MMP26: variants seen among roughly 807,000 people sequenced by gnomAD.
The protein encoded by MMP26 is matrix metallopeptidase 26.
In MMP26, 33 loss-of-function variants were observed where a neutral mutation model predicts 31.0. That is an observed-to-expected ratio of 1.06 (90% CI 0.81 to 1.42). MMP26 has a LOEUF of 1.42. Ranked by LOEUF, MMP26 falls within the 40% of genes most tolerant of loss-of-function variation. The pLI, the probability that MMP26 is intolerant of heterozygous loss-of-function variation, is 0.00. For missense variants in MMP26, 347 were observed against 316.1 expected (o/e 1.10, Z -0.74); for synonymous variants, 122 against 114.9 (o/e 1.06, Z -0.40).
At chr11:4,915,664 T>G (rs749832072) in intron 2 of MMP26, 7 of 1,606,866 alleles carry the variant, frequency 4.4e-6, no homozygotes, top group Non-Finnish European at 6.0e-6. Flanking sequence ...CCAGGGTCAT[T>G]GTGTGAGGAG....
chr11:4,732,927 T>G (rs1848193854), intron 1 of MMP26, among the ~76,000 whole-genome samples: 1 of 152,250 alleles, frequency 6.6e-6, no homozygotes, highest in Non-Finnish European at 1.5e-5. Flanking sequence ...TTCATTGAGC[T>G]GTCTTGACAC....
chr11:4,917,037 T>C (rs1851104567), intron 2 of MMP26, among the ~76,000 whole-genome samples: 1 of 152,186 alleles, frequency 6.6e-6, no homozygotes, highest in African/African-American at 2.4e-5. Flanking sequence ...TGATCTTCCA[T>C]TCTCAATTAA....
At chr11:4,904,581 T>C (rs10836932) in intron 2 of MMP26, among the ~76,000 whole-genome samples, 32,643 of 152,092 alleles carry the variant, frequency 0.21, 3,842 homozygotes, top group East Asian at 0.56. Flanking sequence ...TGATTTCATT[T>C]ACTCTTTGGT....
chr11:4,856,204 C>G (rs541682522), intron 2 of MMP26, among the ~76,000 whole-genome samples: 1 of 152,304 alleles, frequency 6.6e-6, no homozygotes, highest in Non-Finnish European at 1.5e-5. Flanking sequence ...ATGACAGGAT[C>G]AAATTCACAC....
At chr11:4,730,404 AAGAGAGAGAG>A (rs59289871) in intron 1 of MMP26, among the ~76,000 whole-genome samples, 1 of 144,952 alleles carries the variant, frequency 6.9e-6, no homozygotes, top group Non-Finnish European at 1.5e-5. Flanking sequence ...GTTTCTGGGA[AAGAGAGAGAG>A]AGAGAGAGAG....
Position 4,947,343 on chromosome 11 carries a change from A to G in MMP26, c.-144-40725A>G, listed in dbSNP as rs1320232340. 2.4e-5 allele frequency among the ~76,000 whole-genome samples: 3 copies of G among 125,202 alleles called. 1 individual carries two copies. Among genetic ancestry groups the G allele is most frequent in the Admixed American group, 1.8e-4 (2 of 11,252 alleles). 82.1% of individuals were successfully genotyped at this position (125,202 alleles called of 152,430 possible). A position where few individuals can be genotyped will look rare whatever the true frequency, so the allele number is the denominator to read the frequency against. On this transcript the variant is annotated intron_variant, in intron 2 of 7. Transcript: ENST00000380390. ...ATTTCTGGACATGTTATTTCTATAG[A>G]GAATCCAGATTTAAATTTTGTATTT...
chr11:4,935,070 G>C (rs796182682), intron 2 of MMP26, among the ~76,000 whole-genome samples: 2 of 151,660 alleles, frequency 1.3e-5, no homozygotes, highest in African/African-American at 4.8e-5. Flanking sequence ...CTCTTTTTTG[G>C]TTCCATATGA....
intron 1 of MMP26, among the ~76,000 whole-genome samples, chr11:4,729,854 A>G (rs1848149859): frequency 6.6e-6 from 1 of 151,978 alleles, no homozygotes; most frequent in Non-Finnish European, 1.5e-5. Flanking sequence ...CTGATCAGGC[A>G]TGGATTTTTG....
At chr11:4,714,899 A>ATCTCTCTC (rs71466199) in intron 1 of MMP26, among the ~76,000 whole-genome samples, 9 of 132,588 alleles carry the variant, frequency 6.8e-5, no homozygotes, top group Middle Eastern at 8.4e-3. Flanking sequence ...AAAACCCCAA[A>ATCTCTCTC]TCTCTCTCTC....
intron 1 of MMP26, among the ~76,000 whole-genome samples, chr11:4,727,561 G>T (rs905650450): frequency 2.0e-5 from 3 of 152,196 alleles, no homozygotes; most frequent in African/African-American, 4.8e-5. Flanking sequence ...TGTTATCCCA[G>T]CAGTTTGGAA....
chr11:4,766,685 A>C (rs1564904209), intron 1 of MMP26, among the ~76,000 whole-genome samples: 1 of 82,186 alleles, frequency 1.2e-5, no homozygotes. Flanking sequence ...TTTCTCTCCC[A>C]CTTTCCTTTC....
rs144793416 is a variant in MMP26, at chr11:4,881,876, A to G, written c.-144-106192A>G. ...GAATCTTAATTATTTTTCTTTCCTC[A>G]TAGTTCAGTGTCTTCAACCAACCAT... On this transcript the variant is annotated intron_variant, in intron 2 of 7. Transcript: ENST00000380390. 2.2e-5 allele frequency: 35 copies of G among 1,593,750 alleles called. 1 individual carries two copies. In the Middle Eastern group the frequency reaches 2.0e-3, roughly 91 times the overall value.
At chr11:4,781,184 AT>A (rs2133431903) in intron 2 of MMP26, among the ~76,000 whole-genome samples, 1 of 152,270 alleles carries the variant, frequency 6.6e-6, no homozygotes, top group Non-Finnish European at 1.5e-5. Context: ...ATCTATTTTG[AT>A]TGTGGTGATG....
intron 2 of MMP26, among the ~76,000 whole-genome samples, chr11:4,861,605 A>C (rs192846078): frequency 2.6e-5 from 4 of 152,160 alleles, no homozygotes; most frequent in African/African-American, 9.6e-5. Flanking sequence ...ATTAATATTT[A>C]ATCTTCAGAA....
At chr11:4,706,067 A>C (rs1847772794) in intron 1 of MMP26, among the ~76,000 whole-genome samples, 1 of 152,054 alleles carries the variant, frequency 6.6e-6, no homozygotes, top group African/African-American at 2.4e-5. Context: ...TTTCCCTTTG[A>C]TTGCAGGAGT....
At chr11:4,821,578 TG>T in intron 2 of MMP26, 1 of 1,613,620 alleles carries the variant, frequency 6.2e-7, no homozygotes, top group African/African-American at 1.3e-5. Context: ...TGTGGTCCTC[TG>T]TGAACGGAGC....
intron 2 of MMP26, among the ~76,000 whole-genome samples, chr11:4,871,082 A>G (rs978971709): frequency 1.3e-5 from 2 of 152,138 alleles, no homozygotes; most frequent in Admixed American, 6.6e-5. Context: ...AAACCAACAA[A>G]GGAAAATAAT....
chr11:4,912,315 T>G (rs1851003380), intron 2 of MMP26, among the ~76,000 whole-genome samples: 1 of 152,198 alleles, frequency 6.6e-6, no homozygotes, highest in Non-Finnish European at 1.5e-5. Context: ...TTTCTATACC[T>G]GACCCCAAGT....
At chr11:4,878,475 G>A (rs879865427) in intron 2 of MMP26, among the ~76,000 whole-genome samples, 2 of 152,064 alleles carry the variant, frequency 1.3e-5, no homozygotes, top group African/African-American at 4.8e-5. Flanking sequence ...GGTGCATTCA[G>A]TGAGTTGGAA....
Sources: gnomAD v4.1 joint callset for allele counts (sites outside exome capture counted in the v4.1 genomes callset) on GRCh38, gnomAD v4.1.1 for gene constraint, MANE v1.5 for transcripts, NCBI Gene and HGNC (gene_info 2026-07-23, HGNC 2026-07-21) for gene names.